GOLPH3: variants seen among roughly 807,000 people sequenced by gnomAD.
The protein encoded by GOLPH3 is golgi phosphoprotein 3.
A neutral mutation model predicts 28.5 loss-of-function variants in GOLPH3; 14 were observed. That is an observed-to-expected ratio of 0.49 (90% CI 0.32 to 0.77). The LOEUF (loss-of-function observed/expected upper bound fraction) is 0.77, where lower values mean the gene tolerates loss of function less well. GOLPH3 is among the 30% of genes least tolerant of loss of function. The probability of loss-of-function intolerance (pLI) is 0.03; values close to 1 mark genes in which losing one functional copy is unlikely to be tolerated. For missense variants in GOLPH3, 350 were observed against 393.7 expected (o/e 0.89, Z 0.94); for synonymous variants, 158 against 159.2 (o/e 0.99, Z 0.06).
At chr5:32,158,570 C>T (rs1746506948) in intron 1 of GOLPH3, among the ~76,000 whole-genome samples, 1 of 152,094 alleles carries the variant, frequency 6.6e-6, no homozygotes, top group African/African-American at 2.4e-5. Flanking sequence ...TCAGCAAGTC[C>T]ATCTCCACTA....
rs546353229 is a variant in GOLPH3, at chr5:32,141,771, T to C, written c.357+1978A>G. On this transcript the variant is annotated intron_variant, in intron 2 of 3. Transcript: ENST00000265070. The stretch of plus-strand genomic sequence containing the variant: ...CGCGCGCCGCCACGCCTGACTGGTT[T>C]TCGTATTTTTTTGGTGGAGACGGGG... 3.2e-4 allele frequency among the ~76,000 whole-genome samples: 49 copies of C among 152,144 alleles called. No individual in the cohort carries two copies. The South Asian group carries it at 3.7e-3, about 12-fold the overall frequency.
chr5:32,143,102 A>G (rs944270452), intron 2 of GOLPH3, among the ~76,000 whole-genome samples: 1 of 152,248 alleles, frequency 6.6e-6, no homozygotes, highest in Non-Finnish European at 1.5e-5. Flanking sequence ...TTTGTTCTAC[A>G]CTAAGAAAAA....
chr5:32,129,808 G>C (rs140245015), intron 3 of GOLPH3, among the ~76,000 whole-genome samples: 17 of 151,990 alleles, frequency 1.1e-4, no homozygotes, highest in African/African-American at 4.1e-4. Context: ...AAGCCCTGGA[G>C]TAGAGGCACA....
At position 32,125,266 on chromosome 5, in the gene GOLPH3, C is replaced by T. The variant is rs904914704; in HGVS notation, c.*946G>A. On this transcript the variant is annotated 3_prime_UTR_variant, in exon 4 of 4. Coordinates refer to ENST00000265070, the MANE Select transcript of GOLPH3 (RefSeq NM_022130.4). ...ACTCAAGATTGGTACTGGTCACAAGCCTCTTCCCAATAGAAATTATAAAAA... is the reference window on the plus strand; with the variant it reads ...ACTCAAGATTGGTACTGGTCACAAGTCTCTTCCCAATAGAAATTATAAAAA... 3 of 152,558 alleles carry T rather than the reference C, an allele frequency of 2.0e-5. No homozygotes were observed. Among genetic ancestry groups the T allele is most frequent in the African/African-American group, 7.2e-5 (3 of 41,432 alleles). The allele number at this position is 152,558 out of a possible 1,614,324, so 9.5% of individuals were successfully genotyped here. A position where few individuals can be genotyped will look rare whatever the true frequency, so the allele number is the denominator to read the frequency against.
At chr5:32,158,132 TAC>T (rs70961610) in intron 1 of GOLPH3, among the ~76,000 whole-genome samples, 4,514 of 33,556 alleles carry the variant, frequency 0.13, 545 homozygotes, top group African/African-American at 0.17. Context: ...ATAAATAAAA[TAC>T]ACACACACAC....
chr5:32,142,533 C>T (rs2111855537), intron 2 of GOLPH3, among the ~76,000 whole-genome samples: 1 of 148,462 alleles, frequency 6.7e-6, no homozygotes, highest in African/African-American at 2.5e-5. Flanking sequence ...GCGCCTCTGC[C>T]CGGCCGCCCC....
chr5:32,171,153 T>C (rs765940712), intron 1 of GOLPH3, among the ~76,000 whole-genome samples: 5 of 152,214 alleles, frequency 3.3e-5, no homozygotes, highest in Admixed American at 6.5e-5. Context: ...AAACAGCATG[T>C]TAATATGCTT....
intron 3 of GOLPH3, among the ~76,000 whole-genome samples, chr5:32,132,300 C>T (rs938584399): frequency 6.6e-6 from 1 of 152,094 alleles, no homozygotes; most frequent in African/African-American, 2.4e-5. Context: ...ATAAAATGAG[C>T]CCCTGGGTAT....
chr5:32,145,113 T>G (rs1746159897), intron 1 of GOLPH3, among the ~76,000 whole-genome samples: 1 of 152,196 alleles, frequency 6.6e-6, no homozygotes, highest in South Asian at 2.1e-4. Flanking sequence ...AGTGAGCTTG[T>G]GTTTCAGAAG....
intron 1 of GOLPH3, among the ~76,000 whole-genome samples, chr5:32,156,618 C>CG (rs940224669): frequency 1.3e-5 from 2 of 151,690 alleles, no homozygotes; most frequent in East Asian, 1.9e-4. Flanking sequence ...ACTGGAGCGG[C>CG]GGGGGGGATG....
At chr5:32,147,388 T>C (rs1350044262) in intron 1 of GOLPH3, among the ~76,000 whole-genome samples, 4 of 151,858 alleles carry the variant, frequency 2.6e-5, no homozygotes, top group Admixed American at 2.6e-4. Context: ...GAGCCGAGAT[T>C]GCACCACTGC....
At chr5:32,166,088 C>G (rs1452331162) in intron 1 of GOLPH3, among the ~76,000 whole-genome samples, 2 of 152,236 alleles carry the variant, frequency 1.3e-5, no homozygotes, top group African/African-American at 4.8e-5. Flanking sequence ...AAACACACAA[C>G]TGCAGAGAAT....
intron 1 of GOLPH3, among the ~76,000 whole-genome samples, chr5:32,166,313 G>T (rs1468637016): frequency 6.6e-6 from 1 of 152,116 alleles, no homozygotes; most frequent in Non-Finnish European, 1.5e-5. Context: ...TTACCAAACG[G>T]GAAGAGAAAT....
At chr5:32,127,342 A>C (rs1335717975) in intron 3 of GOLPH3, among the ~76,000 whole-genome samples, 1 of 152,244 alleles carries the variant, frequency 6.6e-6, no homozygotes, top group Non-Finnish European at 1.5e-5. Flanking sequence ...TGCATTTTCC[A>C]AATGATCTCC....
chr5:32,142,442 G>T (rs1177399923), intron 2 of GOLPH3, among the ~76,000 whole-genome samples: 2 of 150,254 alleles, frequency 1.3e-5, no homozygotes, highest in Non-Finnish European at 3.0e-5. Flanking sequence ...GAGCGTCTCC[G>T]CCCGGCAGCC....
Position 32,174,071 on chromosome 5 carries a change from C to T in GOLPH3, c.-37G>A, listed in dbSNP as rs1462311613. 1.6e-6 allele frequency: 2 copies of T among 1,238,794 alleles called. No homozygotes were observed. Among genetic ancestry groups the T allele is most frequent in the Non-Finnish European group, 2.0e-6 (2 of 989,952 alleles). 76.7% of individuals were successfully genotyped at this position (1,238,794 alleles called of 1,614,324 possible). A position where few individuals can be genotyped will look rare whatever the true frequency, so the allele number is the denominator to read the frequency against. On this transcript the variant is annotated 5_prime_UTR_variant, in exon 1 of 4. Coordinates refer to ENST00000265070, the MANE Select transcript of GOLPH3 (RefSeq NM_022130.4). ...AGGCGCCGAGCCGGGCCGAGAGGGT[C>T]GCAGGACCGACCGGGTCGCCCTCCT...
chr5:32,133,723 A>G (rs1046792110), intron 3 of GOLPH3, among the ~76,000 whole-genome samples: 3 of 152,248 alleles, frequency 2.0e-5, no homozygotes, highest in Admixed American at 6.5e-5. Flanking sequence ...TGACAATGTG[A>G]TGGGTATTTG....
At chr5:32,171,862 C>A (rs951974900) in intron 1 of GOLPH3, among the ~76,000 whole-genome samples, 2 of 151,796 alleles carry the variant, frequency 1.3e-5, no homozygotes, top group Non-Finnish European at 2.9e-5. Flanking sequence ...GCAGGAGAAT[C>A]GCTTGAACCC....
At chr5:32,162,100 T>G (rs965205157) in intron 1 of GOLPH3, among the ~76,000 whole-genome samples, 21 of 151,148 alleles carry the variant, frequency 1.4e-4, no homozygotes, top group Admixed American at 1.3e-4. Flanking sequence ...AGTTTCCAAA[T>G]TTCCCAAACC....
Sources: gnomAD v4.1 joint callset for allele counts (sites outside exome capture counted in the v4.1 genomes callset) on GRCh38, gnomAD v4.1.1 for gene constraint, MANE v1.5 for transcripts, NCBI Gene and HGNC (gene_info 2026-07-23, HGNC 2026-07-21) for gene names.